The following GUCD1 variants were observed in gnomAD, a reference collection of about 807,000 sequenced individuals.
GUCD1 encodes protein GUCD1.
In GUCD1, 17 loss-of-function variants were observed where a neutral mutation model predicts 28.3. The ratio of observed to expected loss-of-function variants is 0.60; its 90% CI spans 0.41 to 0.90. The LOEUF is 0.90. GUCD1 is among the 40% of genes least tolerant of loss of function. GUCD1 has a pLI of 0.00. For synonymous variants in GUCD1, 129 were observed against 123.3 expected (o/e 1.05, Z -0.30); for missense variants, 279 against 305.5 (o/e 0.91, Z 0.65).
chr22:24,544,150 T>C, intron 4 of GUCD1, 67 bp from the exon 5 acceptor site: 1 of 1,559,320 alleles, frequency 6.4e-7, no homozygotes, highest in Non-Finnish European at 8.7e-7. Flanking sequence ...AATGGATCCC[T>C]GCTTGTGCCT....
At chr22:24,544,267 T>TG (rs374818777) in intron 4 of GUCD1, among the ~76,000 whole-genome samples, 184 bp from the exon 5 acceptor site, 25 of 150,536 alleles carry the variant, frequency 1.7e-4, no homozygotes, top group South Asian at 8.4e-4. Flanking sequence ...AGGAGACCGG[T>TG]GGGGGGGGTG....
upstream of GUCD1, chr22:24,555,335 G>A: frequency 3.6e-6 from 5 of 1,390,834 alleles, no homozygotes; most frequent in Non-Finnish European, 4.7e-6. Flanking sequence ...AGCTCACCAG[G>A]ACGCGGGCCC....
intron 1 of GUCD1, among the ~76,000 whole-genome samples, chr22:24,553,087 G>T (rs1413953987): frequency 6.6e-6 from 1 of 152,242 alleles, no homozygotes; most frequent in Non-Finnish European, 1.5e-5. Flanking sequence ...AGAGCTCTAT[G>T]CAGGATGTTG....
intron 3 of GUCD1, 124 bp from the exon 4 acceptor site, chr22:24,547,129 C>G: frequency 1.4e-6 from 1 of 725,890 alleles, no homozygotes; most frequent in Non-Finnish European, 2.4e-6. Context: ...GCCCCACCTG[C>G]CAGGGCAGAC....
intron 1 of GUCD1, 21 bp downstream of exon 1, chr22:24,554,928 G>T: frequency 6.5e-7 from 1 of 1,550,358 alleles, no homozygotes; most frequent in African/African-American, 1.4e-5. Flanking sequence ...GTGAAGACTG[G>T]GCCCACAGAG....
At chr22:24,548,179 A>G in intron 2 of GUCD1, 106 bp from the exon 3 acceptor site, 1 of 923,978 alleles carries the variant, frequency 1.1e-6, no homozygotes, top group Non-Finnish European at 1.7e-6. Context: ...CCCATTCCCC[A>G]GAAGTCTCCC....
rs1163522470 is a variant in GUCD1 at position 24,541,696 on chromosome 22, C to T, written c.*1310G>A. Reference sequence around the variant, plus strand: ...CAGACTGGGGTTCAAGACCCAGCTCCACCACTGTCCTGAGCAGACTCCCAA... The same window carrying T: ...CAGACTGGGGTTCAAGACCCAGCTCTACCACTGTCCTGAGCAGACTCCCAA... On this transcript the variant is annotated 3_prime_UTR_variant, in exon 6 of 6. Transcript: ENST00000435822. The T allele has an allele frequency of 1.3e-5, 2 of 152,096 alleles. No individual in the cohort carries two copies. Among genetic ancestry groups the T allele is most frequent in the African/African-American group, 4.8e-5 (2 of 41,406 alleles). 9.4% of individuals were successfully genotyped at this position (152,096 alleles called of 1,614,324 possible).
intron 1 of GUCD1, among the ~76,000 whole-genome samples, chr22:24,552,040 T>TG (rs758096472): frequency 6.6e-6 from 1 of 152,240 alleles, no homozygotes; most frequent in Non-Finnish European, 1.5e-5. Flanking sequence ...GTAAAAGCAG[T>TG]GTTCATGCCC....
At chr22:24,555,514 C>T, upstream of GUCD1, 4 of 1,376,334 alleles carry the variant, frequency 2.9e-6, no homozygotes, top group South Asian at 5.2e-5. Context: ...AGCAACTCTC[C>T]TCCAACTGTC....
rs2044996128 is a variant in GUCD1, at chr22:24,554,931, C to T, written c.43+18G>A. ...TTCGTTCCTAGGGTGAAGACTGGGC[C>T]CACAGAGAGGCACTGACCGGGCTCG... On this transcript the variant is annotated intron_variant, in intron 1 of 5. Transcript: ENST00000435822. The T allele has an allele frequency of 1.3e-6, 2 of 1,560,516 alleles. No homozygotes were observed. Among genetic ancestry groups the T allele is most frequent in the Admixed American group, 3.5e-5 (2 of 57,334 alleles).
intron 1 of GUCD1, 80 bp downstream of exon 1, chr22:24,554,869 G>A: frequency 3.4e-6 from 4 of 1,173,066 alleles, no homozygotes; most frequent in Non-Finnish European, 3.7e-6. Context: ...CCAAGGTCGC[G>A]CGACTGGACC....
chr22:24,550,672 C>T (rs924426199), intron 1 of GUCD1, among the ~76,000 whole-genome samples: 3 of 152,196 alleles, frequency 2.0e-5, no homozygotes, highest in African/African-American at 7.2e-5. Flanking sequence ...TCCCTGTGTG[C>T]GCCAGCTAAG....
At position 24,545,515 on chromosome 22, in the gene GUCD1, C is replaced by T. The variant is rs570142101; in HGVS notation, c.386+1399G>A. ...AGCTTTCCCACTCAAGGAGACAGCACCTGTTGAGGGCTGCTAAATAAACAT... is the reference window on the plus strand; with the variant it reads ...AGCTTTCCCACTCAAGGAGACAGCATCTGTTGAGGGCTGCTAAATAAACAT... On this transcript the variant is annotated intron_variant, in intron 4 of 5. Transcript: ENST00000435822. 3.9e-5 allele frequency among the ~76,000 whole-genome samples: 6 copies of T among 152,132 alleles called. No homozygotes were observed. In the East Asian group the frequency reaches 1.2e-3, roughly 29 times the overall value.
At chr22:24,550,074 G>A (rs947177171) in intron 1 of GUCD1, among the ~76,000 whole-genome samples, 1 of 152,236 alleles carries the variant, frequency 6.6e-6, no homozygotes, top group African/African-American at 2.4e-5. Context: ...AGGCTGTGAG[G>A]TGGAGCAGAA....
At chr22:24,554,068 C>T (rs2044959145) in intron 1 of GUCD1, among the ~76,000 whole-genome samples, 1 of 152,256 alleles carries the variant, frequency 6.6e-6, no homozygotes, top group Non-Finnish European at 1.5e-5. Flanking sequence ...GTCTGCTCAG[C>T]TGCAAAAGTG....
rs1402535500 is a variant in GUCD1 at position 24,545,650 on chromosome 22, C to G, written c.386+1264G>C. Reference sequence around the variant, plus strand: ...ACAGAGTCTGTCTCTGTTGCCCAGGCTGGAGTGCAGTGGCGCGATCTCGGC... The same window carrying G: ...ACAGAGTCTGTCTCTGTTGCCCAGGGTGGAGTGCAGTGGCGCGATCTCGGC... On this transcript the variant is annotated intron_variant, in intron 4 of 5. Transcript: ENST00000435822. Among the ~76,000 whole-genome samples, 7 of 152,124 alleles carry G rather than the reference C, an allele frequency of 4.6e-5. No individual in the cohort carries two copies. The East Asian group carries it at 9.6e-4, about 21-fold the overall frequency.
chr22:24,548,054 C>T lies in GUCD1; in HGVS notation c.148G>A (p.Asp50Asn), dbSNP rs1454326347. The change falls in exon 3 of 6, where the codon GAC (aspartate) becomes AAC (asparagine). Residue 50 changes from aspartate (D) to asparagine (N), a missense_variant. By Grantham distance (23) the Asp-to-Asn change is conservative. Coordinates refer to ENST00000435822, the MANE Select transcript of GUCD1 (RefSeq NM_001284254.2). ...TGCAGGGCTCTCTCAAACTCACTGT[C>T]GTCCAGCTGGCCCAGGTACCTGCAG... ...MVLRYLGQLD[D>N]SEFERALQKL... 1.1e-5 allele frequency: 17 copies of T among 1,613,872 alleles called. No individual in the cohort carries two copies. Among genetic ancestry groups the T allele is most frequent in the Admixed American group, 3.3e-5 (2 of 60,004 alleles).
At chr22:24,543,674 G>A (rs1371466986) in intron 5 of GUCD1, among the ~76,000 whole-genome samples, 168 bp downstream of exon 5, 1 of 152,076 alleles carries the variant, frequency 6.6e-6, no homozygotes, top group Non-Finnish European at 1.5e-5. Flanking sequence ...TGCATGGCCT[G>A]AGGGGTGGCC....
In GUCD1 at chr22:24,540,513, A is replaced by T. The variant is rs2044565993; in HGVS notation, c.*2493T>A. 6.6e-6 allele frequency: 1 copy of T among 152,250 alleles called. No homozygotes were observed. Among genetic ancestry groups the T allele is most frequent in the South Asian group, 2.1e-4 (1 of 4,834 alleles). The allele number at this position is 152,250 out of a possible 1,614,324, so 9.4% of individuals were successfully genotyped here. Reference sequence around the variant, plus strand: ...ATATATAAAATCTCTGCAATGCAAAAGATCCCTTTCATCCCCGTGGCTAGA... The same window carrying T: ...ATATATAAAATCTCTGCAATGCAAATGATCCCTTTCATCCCCGTGGCTAGA... On this transcript the variant is annotated 3_prime_UTR_variant, in exon 6 of 6. Transcript: ENST00000435822.
Sources: gnomAD v4.1 joint callset for allele counts (sites outside exome capture counted in the v4.1 genomes callset) on GRCh38, gnomAD v4.1.1 for gene constraint, MANE v1.5 for transcripts, NCBI Gene and HGNC (gene_info 2026-07-23, HGNC 2026-07-21) for gene names.